PXDN: variants seen among roughly 807,000 people sequenced by gnomAD.
The protein encoded by PXDN is peroxidasin homolog.
A neutral mutation model predicts 140.3 loss-of-function variants in PXDN; 77 were observed. That is an observed-to-expected ratio of 0.55 (90% CI 0.46 to 0.66). PXDN has a LOEUF of 0.66. Among genes scored for constraint, PXDN ranks in the 30% least tolerant of loss-of-function variants. The pLI is 0.00. For synonymous variants in PXDN, 911 were observed against 857.4 expected (o/e 1.06, Z -1.09); for missense variants, 1,838 against 2,039.5 (o/e 0.90, Z 1.90).
intron 7 of PXDN, among the ~76,000 whole-genome samples, chr2:1,679,664 G>A (rs1572152907): frequency 6.7e-6 from 1 of 148,890 alleles, no homozygotes; most frequent in African/African-American, 2.5e-5. Context: ...TGTGTAAATG[G>A]TGTGTGTGGA....
At chr2:1,638,208 C>T (rs1484944026) in intron 21 of PXDN, among the ~76,000 whole-genome samples, 1 of 152,146 alleles carries the variant, frequency 6.6e-6, no homozygotes, top group African/African-American at 2.4e-5. Context: ...GCGGAGTGAG[C>T]GCACTTCCTT....
chr2:1,686,579 G>A (rs181015395), intron 4 of PXDN, among the ~76,000 whole-genome samples: 6 of 152,126 alleles, frequency 3.9e-5, no homozygotes, highest in African/African-American at 1.4e-4. Flanking sequence ...ATGAGAACTT[G>A]CTCCTTTGCA....
intron 1 of PXDN, among the ~76,000 whole-genome samples, chr2:1,739,395 C>G (rs4853838): frequency 0.68 from 103,819 of 151,992 alleles, 35,900 homozygotes; most frequent in East Asian, 0.93. Context: ...CACGCTTGAA[C>G]CTGGAGCTGC....
At chr2:1,705,688 C>G (rs1171159353) in intron 1 of PXDN, among the ~76,000 whole-genome samples, 4 of 145,924 alleles carry the variant, frequency 2.7e-5, no homozygotes, top group Non-Finnish European at 6.0e-5. Context: ...GGGTGCAGCT[C>G]CCCGTGACCT....
Position 1,649,036 on chromosome 2 carries a change from A to G in PXDN, c.2744T>C (p.Val915Ala). 2 of 1,612,546 alleles carry G rather than the reference A, an allele frequency of 1.2e-6. No individual in the cohort carries two copies. Among genetic ancestry groups the G allele is most frequent in the Non-Finnish European group, 1.7e-6 (2 of 1,179,672 alleles). ...GGCCTCATGCTCCGTGCTCCCGTAC[A>G]CGTTGGATGCGTCTATGTAGGAGGT... ...QLTSYIDASN[V>A]YGSTEHEARS... Residue 915 changes from valine (V) to alanine (A), a missense_variant, in exon 17 of 23, where the codon GTG (valine) becomes GCG (alanine). By Grantham distance (64) the Val-to-Ala change is moderately conservative. This residue lies in a region of PXDN where 850 missense variants were observed against 894.1 expected (regional missense o/e 0.95). Transcript: ENST00000252804. This position sits in a 1 kb window ranked among gnomAD's most constrained non-coding sequence, Gnocchi z 7.1.
At chr2:1,739,664 C>G (rs1685496080) in intron 1 of PXDN, among the ~76,000 whole-genome samples, 1 of 152,090 alleles carries the variant, frequency 6.6e-6, no homozygotes, top group Admixed American at 6.5e-5. Flanking sequence ...CAGGAAAGGT[C>G]CCAACACACA....
rs889329219 is a variant in PXDN, at chr2:1,666,592, G to A, written c.1019-106C>T. The A allele has an allele frequency of 1.6e-4, 208 of 1,340,640 alleles. 1 individual carries two copies. Among genetic ancestry groups the A allele is most frequent in the Middle Eastern group, 5.4e-4 (2 of 3,710 alleles). The allele number at this position is 1,340,640 out of a possible 1,614,324, so 83.0% of individuals were successfully genotyped here. On this transcript the variant is annotated intron_variant, in intron 9 of 22. Transcript: ENST00000252804. Reference sequence around the variant, plus strand: ...ATTAATTCTATTTACCACCGAAATAGGCAAAACAAACACAACGTAACTGCA... The same window carrying A: ...ATTAATTCTATTTACCACCGAAATAAGCAAAACAAACACAACGTAACTGCA...
chr2:1,670,862 G>A (rs1229700118), intron 9 of PXDN, among the ~76,000 whole-genome samples: 2 of 152,164 alleles, frequency 1.3e-5, no homozygotes, highest in Non-Finnish European at 2.9e-5. Context: ...GCCCCACCCA[G>A]GGAACAGTGC....
Position 1,684,061 on chromosome 2 carries a change from G to A in PXDN, c.488+19C>T, listed in dbSNP as rs1484762255. 1.9e-6 allele frequency: 3 copies of A among 1,565,250 alleles called. No homozygotes were observed. Among genetic ancestry groups the A allele is most frequent in the Non-Finnish European group, 2.6e-6 (3 of 1,152,896 alleles). ...TTGGGCTCTGTGAATGGAAAGGCAA[G>A]GAACAACACACAACTCACAGCCTCT... On this transcript the variant is annotated intron_variant, in intron 5 of 22. Coordinates refer to ENST00000252804, the MANE Select transcript of PXDN (RefSeq NM_012293.3).
In PXDN at chr2:1,687,800, CAATT is replaced by C. The variant is rs1218123459; in HGVS notation, c.345-101_345-98del. ...AAATTGACACATGGAGACAGTTTTACAATTAATGACTGTATTAGAATGCAAACAA... is the reference window on the plus strand; with the variant it reads ...AAATTGACACATGGAGACAGTTTTACAATGACTGTATTAGAATGCAAACAA... On this transcript the variant is annotated intron_variant, in intron 3 of 22. Coordinates refer to ENST00000252804, the MANE Select transcript of PXDN (RefSeq NM_012293.3). The surrounding 1 kb of genome is among the most constrained non-coding windows in gnomAD (Gnocchi z 4.0). 2 of 886,790 alleles carry C rather than the reference CAATT, an allele frequency of 2.3e-6. No individual in the cohort carries two copies. Among genetic ancestry groups the C allele is most frequent in the Non-Finnish European group, 3.5e-6 (2 of 573,066 alleles). 54.9% of individuals were successfully genotyped at this position (886,790 alleles called of 1,614,324 possible).
chr2:1,661,938 A>C (rs1683314108), intron 13 of PXDN, 134 bp downstream of exon 13: 1 of 723,296 alleles, frequency 1.4e-6, no homozygotes. Flanking sequence ...CCAGCCCATC[A>C]TACCCCACAG....
chr2:1,657,152 GACCTGCCTCCTACTGACTGGGGGGGA>G (rs1683161292), intron 14 of PXDN, among the ~76,000 whole-genome samples: 3 of 141,218 alleles, frequency 2.1e-5, no homozygotes, highest in African/African-American at 2.7e-5. Flanking sequence ...ACTGGGGGGG[GACCTGCCTCCTACTGACTGGGGGGGA>G]ACCTGCCACC....
rs1171603598 is a variant in PXDN at position 1,665,006 on chromosome 2, A to G, written c.1360T>C (p.Cys454Arg). 1 of 1,613,022 alleles carries G rather than the reference A, an allele frequency of 6.2e-7. No individual in the cohort carries two copies. Among genetic ancestry groups the G allele is most frequent in the African/African-American group, 1.3e-5 (1 of 75,042 alleles). ...VIEGQTVDFQ[C>R]EAKGNPPPVI... ...GGCGGCGGGTTGCCCTTGGCTTCAC[A>G]CTGGAAATCCACGGTCTGGCCCTCA... Residue 454 changes from cysteine to arginine, a missense_variant, in exon 11 of 23, where the codon TGT (cysteine) becomes CGT (arginine). Around this residue, in one of 5 missense-constraint regions of PXDN, gnomAD observed 537 missense variants for 583.9 expected, o/e 0.92. Coordinates refer to ENST00000252804, the MANE Select transcript of PXDN (RefSeq NM_012293.3).
intron 4 of PXDN, 35 bp from the exon 5 acceptor site, chr2:1,684,186 C>T (rs1572157413): frequency 5.3e-6 from 8 of 1,523,252 alleles, no homozygotes; most frequent in Non-Finnish European, 6.2e-6. Flanking sequence ...GTATAACTTA[C>T]AATTTATTTT....
rs1684097186 is a variant in PXDN at position 1,687,857 on chromosome 2, C to G, written c.345-154G>C. Reference sequence around the variant, plus strand: ...CATCTGCACGGTGAGTACAGTGCCTCTCCCAAGGGCTTCCCTTCCCTCAGA... The same window carrying G: ...CATCTGCACGGTGAGTACAGTGCCTGTCCCAAGGGCTTCCCTTCCCTCAGA... On this transcript the variant is annotated intron_variant, in intron 3 of 22. Coordinates refer to ENST00000252804, the MANE Select transcript of PXDN (RefSeq NM_012293.3). This position sits in a 1 kb window ranked among gnomAD's most constrained non-coding sequence, Gnocchi z 4.0. Among the ~76,000 whole-genome samples, 1 of 152,160 alleles carries G rather than the reference C, an allele frequency of 6.6e-6. No individual in the cohort carries two copies. Among genetic ancestry groups the G allele is most frequent in the Non-Finnish European group, 1.5e-5 (1 of 68,026 alleles).
intron 1 of PXDN, among the ~76,000 whole-genome samples, chr2:1,716,781 A>T (rs1205868658): frequency 6.6e-6 from 1 of 152,190 alleles, no homozygotes; most frequent in African/African-American, 2.4e-5. Flanking sequence ...TAACCGCTCC[A>T]GACACACCTG....
chr2:1,664,982 G>A lies in PXDN; in HGVS notation c.1384C>T (p.Pro462Ser). ...FQCEAKGNPPPVIAWTKGGSQ... is the reference protein window; with the variant it reads ...FQCEAKGNPPSVIAWTKGGSQ... ...CCTCCCTTGGTCCAGGCGATGACGG[G>A]CGGCGGGTTGCCCTTGGCTTCACAC... The change falls in exon 11 of 23, where the codon CCC becomes TCC. Residue 462 changes from proline (P) to serine (S), a missense_variant. Coordinates refer to ENST00000252804, the MANE Select transcript of PXDN (RefSeq NM_012293.3). The A allele has an allele frequency of 6.2e-7, 1 of 1,612,098 alleles. No individual in the cohort carries two copies. The highest frequency in any genetic ancestry group is 8.5e-7 in the Non-Finnish European group (1 of 1,178,822).
At chr2:1,664,681 G>A in intron 11 of PXDN, 1 of 422,426 alleles carries the variant, frequency 2.4e-6, no homozygotes, top group Non-Finnish European at 4.3e-6. Context: ...AGGCAGGTGT[G>A]AGGGAGTCAA....
chr2:1,670,682 G>T (rs1683552441), intron 9 of PXDN, among the ~76,000 whole-genome samples: 1 of 152,156 alleles, frequency 6.6e-6, no homozygotes. Context: ...GAGGGCATCT[G>T]CAGACCCTTA....
Sources: gnomAD v4.1 joint callset for allele counts (sites outside exome capture counted in the v4.1 genomes callset) on GRCh38, gnomAD v4.1.1 for gene constraint, gnomAD v4.1.1 regional missense constraint, Gnocchi (gnomAD v3.1) non-coding constraint, MANE v1.5 for transcripts, NCBI Gene and HGNC (gene_info 2026-07-23, HGNC 2026-07-21) for gene names.